The following GNB1L variants were observed in gnomAD, a reference collection of about 807,000 sequenced individuals.
GNB1L encodes guanine nucleotide-binding protein subunit beta-like protein 1.
In GNB1L, 20 loss-of-function variants were observed where a neutral mutation model predicts 29.1. That is an observed-to-expected ratio of 0.69 (90% confidence interval 0.48 to 1.00). The LOEUF is 1.00. Ranked by LOEUF, GNB1L falls within the 50% of genes least tolerant of loss-of-function variation. GNB1L has a pLI of 0.00. For synonymous variants in GNB1L, 193 were observed against 206.5 expected, an observed-to-expected ratio of 0.93 and a Z score of 0.56; for missense variants, 421 against 464.9, an observed-to-expected ratio of 0.91 and a Z score of 0.87.
At chr22:19,846,989 G>T in intron 2 of GNB1L, 1 of 985,424 alleles carries the variant, frequency 1.0e-6, no homozygotes, top group Non-Finnish European at 1.2e-6. Context: ...CCAGCCCCAC[G>T]CTGGGTGGCT....
At position 19,802,018 on chromosome 22, in the gene GNB1L, A is replaced by C. The variant is rs2073770; in HGVS notation, c.715T>G (p.Trp239Gly). Residue 239 changes from tryptophan (W) to glycine (G), a missense_variant, in exon 7 of 8, where the codon TGG becomes GGG. Transcript: ENST00000329517. ...GKALAVWSLD[W>G]QQALQVRGTH... is the part of the protein sequence containing the mutation. ...GCACTGACCTGCAGGGCCTGCTGCCAGTCCAGGCTCCAGACAGCCAGCGCC... is the reference window on the plus strand; with the variant it reads ...GCACTGACCTGCAGGGCCTGCTGCCCGTCCAGGCTCCAGACAGCCAGCGCC... 211,452 of 1,593,300 alleles carry C rather than the reference A, an allele frequency of 0.13. 19,065 individuals carry two copies. The highest frequency in any genetic ancestry group is 0.5 in the East Asian group (21,751 of 43,668).
chr22:19,811,322 C>T (rs1937497833), intron 5 of GNB1L, among the ~76,000 whole-genome samples: 4 of 152,182 alleles, frequency 2.6e-5, no homozygotes, highest in South Asian at 2.1e-4. Flanking sequence ...CCGGGCACAG[C>T]GAATGGGGAG....
rs141014575 is a variant in GNB1L at position 19,819,583 on chromosome 22, G to A, written c.254+1015C>T. Among the ~76,000 whole-genome samples, 39 of 152,320 alleles carry A rather than the reference G, an allele frequency of 2.6e-4. 1 individual carries two copies. In the East Asian group the frequency reaches 7.1e-3, roughly 28 times the overall value. ...ACGGAGGGTAGGGTCACACTGTCTC[G>A]GGATGGGCTAAGGCCTCATGAACCA... On this transcript the variant is annotated intron_variant, in intron 4 of 7. Transcript: ENST00000329517.
chr22:19,851,036 G>A lies in GNB1L; in HGVS notation c.-21+3407C>T, dbSNP rs151130151. 2.5e-4 allele frequency: 363 copies of A among 1,444,592 alleles called. 1 individual carries two copies. The highest frequency in any genetic ancestry group is 8.8e-4 in the Middle Eastern group (4 of 4,560). 89.5% of individuals were successfully genotyped at this position (1,444,592 alleles called of 1,614,324 possible). On this transcript the variant is annotated intron_variant, in intron 2 of 7. Coordinates refer to ENST00000329517, the MANE Select transcript of GNB1L (RefSeq NM_053004.3). ...GCTCAGCGCAGAGTCCAAAACAAGCGCATCTTGCCCAGCTATGGGGTCTGA... is the reference window on the plus strand; with the variant it reads ...GCTCAGCGCAGAGTCCAAAACAAGCACATCTTGCCCAGCTATGGGGTCTGA...
chr22:19,820,388 G>A (rs1228556354), intron 4 of GNB1L, among the ~76,000 whole-genome samples: 1 of 152,206 alleles, frequency 6.6e-6, no homozygotes, highest in African/African-American at 2.4e-5. Flanking sequence ...AGGGTCCAGT[G>A]GAGATGGTGG....
chr22:19,848,484 G>C, intron 2 of GNB1L: 1 of 985,474 alleles, frequency 1.0e-6, no homozygotes, highest in Non-Finnish European at 1.2e-6. Context: ...ACTCTGAAAG[G>C]AGCTGTGTGC....
chr22:19,820,789 C>A, intron 3 of GNB1L, 66 bp from the exon 4 acceptor site: 1 of 1,540,768 alleles, frequency 6.5e-7, no homozygotes, highest in Non-Finnish European at 8.8e-7. Flanking sequence ...CTGGGGCCAG[C>A]CTGGAGGCCA....
Position 19,792,669 on chromosome 22 carries a change from C to T in GNB1L, c.733-3709G>A, listed in dbSNP as rs575763737. On this transcript the variant is annotated intron_variant, in intron 7 of 7. Coordinates refer to ENST00000329517, the MANE Select transcript of GNB1L (RefSeq NM_053004.3). The stretch of plus-strand genomic sequence containing the variant: ...GGCTGAGAAGAAAGCTGCTGGCAAA[C>T]GGGACGTCCCCACCAAGAGACCACC... 92 of 1,480,506 alleles carry T rather than the reference C, an allele frequency of 6.2e-5. No homozygotes were observed. In the East Asian group the frequency reaches 9.2e-4, roughly 15 times the overall value. The allele number at this position is 1,480,506 out of a possible 1,614,324, so 91.7% of individuals were successfully genotyped here.
intron 7 of GNB1L, among the ~76,000 whole-genome samples, chr22:19,797,944 T>C (rs1314659626): frequency 6.6e-6 from 1 of 152,108 alleles, no homozygotes; most frequent in Non-Finnish European, 1.5e-5. Context: ...TGGCAGACCT[T>C]GGCTCTGGGG....
chr22:19,826,500 A>G (rs963331765), intron 2 of GNB1L, among the ~76,000 whole-genome samples: 1 of 152,246 alleles, frequency 6.6e-6, no homozygotes, highest in Non-Finnish European at 1.5e-5. Flanking sequence ...ACTCGGGTAT[A>G]TAAGGCAAGG....
At chr22:19,851,777 A>T in intron 2 of GNB1L, 1 of 1,613,470 alleles carries the variant, frequency 6.2e-7, no homozygotes, top group Non-Finnish European at 8.5e-7. Context: ...AGGCAGGGGC[A>T]GGTCCCCATC....
chr22:19,835,373 TAAAA>T (rs34652133), intron 2 of GNB1L, among the ~76,000 whole-genome samples: 75 of 136,308 alleles, frequency 5.5e-4, no homozygotes, highest in East Asian at 1.0e-3. Context: ...CTTAAAAATG[TAAAA>T]AAAAAAAAAA....
chr22:19,850,269 T>C (rs1938063297), intron 2 of GNB1L: 2 of 984,334 alleles, frequency 2.0e-6, no homozygotes, highest in Admixed American at 6.1e-5. Context: ...TGAGCACCAA[T>C]TGTGTACCAG....
chr22:19,840,167 A>G (rs895141556), intron 2 of GNB1L, among the ~76,000 whole-genome samples: 1 of 152,186 alleles, frequency 6.6e-6, no homozygotes, highest in African/African-American at 2.4e-5. Flanking sequence ...GCAATTGACC[A>G]TGGGTAACTG....
chr22:19,852,327 T>C lies in GNB1L; in HGVS notation c.-21+2116A>G, dbSNP rs1601359579. 5 of 1,517,370 alleles carry C rather than the reference T, an allele frequency of 3.3e-6. No homozygotes were observed. In the East Asian group the frequency reaches 9.1e-5, roughly 28 times the overall value. The allele number at this position is 1,517,370 out of a possible 1,614,324, so 94.0% of individuals were successfully genotyped here. A position where few individuals can be genotyped will look rare whatever the true frequency, so the allele number is the denominator to read the frequency against. ...TGGGTGGTGGGGGTGTGGACAGATG[T>C]GGCTTGCACGACACAACAGGACAGG... On this transcript the variant is annotated intron_variant, in intron 2 of 7. Transcript: ENST00000329517.
chr22:19,792,974 T>C (rs1442467003), intron 7 of GNB1L: 18 of 1,484,554 alleles, frequency 1.2e-5, no homozygotes, highest in South Asian at 2.3e-5. Context: ...CCAATTACAA[T>C]GACAGATACG....
intron 2 of GNB1L, among the ~76,000 whole-genome samples, chr22:19,822,213 C>T (rs1010563060): frequency 5.3e-5 from 8 of 152,222 alleles, no homozygotes; most frequent in Non-Finnish European, 7.3e-5. Flanking sequence ...AGGCCCCTGG[C>T]GCTGAGGCCT....
chr22:19,846,925 T>C (rs1234355836), intron 2 of GNB1L: 1 of 985,318 alleles, frequency 1.0e-6, no homozygotes, highest in African/African-American at 1.7e-5. Flanking sequence ...AACAGGTATG[T>C]TGCCCTGGGA....
intron 2 of GNB1L, among the ~76,000 whole-genome samples, chr22:19,853,794 T>C (rs1911351843): frequency 6.6e-6 from 1 of 152,060 alleles, no homozygotes; most frequent in Non-Finnish European, 1.5e-5. Flanking sequence ...TACTAAGGCC[T>C]GGACGTGAGT....
Sources: gnomAD v4.1 joint callset for allele counts (sites outside exome capture counted in the v4.1 genomes callset) on GRCh38, gnomAD v4.1.1 for gene constraint, MANE v1.5 for transcripts, NCBI Gene and HGNC (gene_info 2026-07-23, HGNC 2026-07-21) for gene names.